ZNF385B: variants seen among roughly 807,000 people sequenced by gnomAD.
The protein encoded by ZNF385B is zinc finger protein 533.
In ZNF385B, 23 loss-of-function variants were observed where a neutral mutation model predicts 39.2. The ratio of observed to expected loss-of-function variants is 0.59; its 90% CI spans 0.42 to 0.83. ZNF385B has a LOEUF of 0.83. Among genes scored for constraint, ZNF385B ranks in the 40% least tolerant of loss-of-function variants. The probability of loss-of-function intolerance (pLI) is 0.00; values close to 1 mark genes in which losing one functional copy is unlikely to be tolerated. For missense variants in ZNF385B, 552 were observed against 598.9 expected (o/e 0.92, Z 0.82); for synonymous variants, 205 against 222.6 (o/e 0.92, Z 0.70).
At chr2:179,588,663 C>G (rs1296509983) in intron 3 of ZNF385B, among the ~76,000 whole-genome samples, 1 of 152,146 alleles carries the variant, frequency 6.6e-6, no homozygotes, top group Non-Finnish European at 1.5e-5. Flanking sequence ...ATCCTCTGAG[C>G]AGACATCCCG....
intron 3 of ZNF385B, among the ~76,000 whole-genome samples, chr2:179,548,345 T>C (rs1037847372): frequency 1.3e-5 from 2 of 149,594 alleles, no homozygotes; most frequent in African/African-American, 2.5e-5. Flanking sequence ...ATAACTTTCA[T>C]GTAGTATAGA....
chr2:179,455,925 T>C (rs1394243356), intron 6 of ZNF385B, among the ~76,000 whole-genome samples: 1 of 151,896 alleles, frequency 6.6e-6, no homozygotes, highest in African/African-American at 2.4e-5. Context: ...GGTATGTCTT[T>C]ATTAACAATG....
At chr2:179,710,432 C>T (rs1699918657) in intron 3 of ZNF385B, among the ~76,000 whole-genome samples, 1 of 152,180 alleles carries the variant, frequency 6.6e-6, no homozygotes, top group Non-Finnish European at 1.5e-5. Flanking sequence ...ACAGAATATA[C>T]AGATCACATC....
At chr2:179,653,008 C>T (rs1284208558) in intron 3 of ZNF385B, among the ~76,000 whole-genome samples, 1 of 152,144 alleles carries the variant, frequency 6.6e-6, no homozygotes, top group Non-Finnish European at 1.5e-5. Flanking sequence ...GCCTTCCTAA[C>T]ATTGTATTTA....
chr2:179,607,797 T>A (rs1054799360), intron 3 of ZNF385B, among the ~76,000 whole-genome samples: 3 of 152,156 alleles, frequency 2.0e-5, no homozygotes, highest in Non-Finnish European at 4.4e-5. Flanking sequence ...GTTTTCTGTG[T>A]TTCTGCTGAC....
chr2:179,480,324 C>T (rs1035040551), intron 6 of ZNF385B, among the ~76,000 whole-genome samples: 57 of 152,180 alleles, frequency 3.7e-4, no homozygotes, highest in African/African-American at 1.1e-3. Flanking sequence ...TGAAATAAAA[C>T]ATTTCAGTCA....
At chr2:179,446,503 A>T (rs1382327416) in intron 7 of ZNF385B, 22 bp downstream of exon 7, 2 of 1,595,990 alleles carry the variant, frequency 1.3e-6, no homozygotes, top group African/African-American at 1.3e-5. Context: ...ACATTATTTA[A>T]ATGCAAAAGA....
At chr2:179,817,960 T>C (rs557575524) in intron 1 of ZNF385B, among the ~76,000 whole-genome samples, 2 of 151,846 alleles carry the variant, frequency 1.3e-5, no homozygotes, top group South Asian at 4.2e-4. Flanking sequence ...TGAGCAAGAG[T>C]GTGTGTGTTT....
chr2:179,530,354 T>TA (rs1229594881), intron 4 of ZNF385B, among the ~76,000 whole-genome samples: 1 of 152,122 alleles, frequency 6.6e-6, no homozygotes, highest in Admixed American at 6.5e-5. Flanking sequence ...AGATGTAGTT[T>TA]AAAAAAACAC....
intron 6 of ZNF385B, among the ~76,000 whole-genome samples, chr2:179,457,669 A>G (rs1228086017): frequency 6.6e-6 from 1 of 151,746 alleles, no homozygotes; most frequent in East Asian, 1.9e-4. Context: ...TTATTGGCCA[A>G]TTGTATATTT....
chr2:179,574,043 C>G lies in ZNF385B; in HGVS notation c.299-29074G>C, dbSNP rs533980146. 2.6e-5 allele frequency among the ~76,000 whole-genome samples: 4 copies of G among 152,166 alleles called. No homozygotes were observed. In the South Asian group the frequency reaches 8.3e-4, roughly 32 times the overall value. On this transcript the variant is annotated intron_variant, in intron 3 of 9. Coordinates refer to ENST00000410066, the MANE Select transcript of ZNF385B (RefSeq NM_152520.6). ...AACCCAAAGGAATGACTTTCAAAAT[C>G]ACTCCTTTACTATAATGCTGTTTAA... is the stretch of plus-strand genomic sequence containing the variant.
chr2:179,673,006 C>T (rs978060581), intron 3 of ZNF385B, among the ~76,000 whole-genome samples: 1 of 152,142 alleles, frequency 6.6e-6, no homozygotes, highest in African/African-American at 2.4e-5. Flanking sequence ...AAATCCTTTG[C>T]AGAGAAATCT....
intron 3 of ZNF385B, among the ~76,000 whole-genome samples, chr2:179,559,763 G>T (rs1052360655): frequency 6.6e-6 from 1 of 151,886 alleles, no homozygotes; most frequent in African/African-American, 2.4e-5. Context: ...ATGGTTACTT[G>T]TGTGTGTGGT....
In ZNF385B at chr2:179,475,256, T is replaced by C. The variant is rs577032902; in HGVS notation, c.715+8016A>G. 3.4e-3 allele frequency among the ~76,000 whole-genome samples: 512 copies of C among 150,448 alleles called. 1 individual carries two copies. The highest frequency in any genetic ancestry group is 0.011 in the African/African-American group (459 of 41,068). On this transcript the variant is annotated intron_variant, in intron 6 of 9. Coordinates refer to ENST00000410066, the MANE Select transcript of ZNF385B (RefSeq NM_152520.6). ...ACCATTTCCATTATCGCACAATTTT[T>C]TTTTTTTTTTTTTTGACAGAATCTC... is the stretch of plus-strand genomic sequence containing the variant.
At chr2:179,756,343 A>G (rs549708522) in intron 3 of ZNF385B, among the ~76,000 whole-genome samples, 1 of 152,278 alleles carries the variant, frequency 6.6e-6, no homozygotes, top group South Asian at 2.1e-4. Flanking sequence ...TTCTGCCAAG[A>G]GATCCGCTGT....
intron 3 of ZNF385B, among the ~76,000 whole-genome samples, chr2:179,757,630 A>T (rs923205887): frequency 7.2e-5 from 11 of 152,118 alleles, no homozygotes; most frequent in African/African-American, 2.7e-4. Context: ...CTTCCTGGCC[A>T]CTTTGTTTAC....
chr2:179,508,018 T>C (rs1333176563), intron 5 of ZNF385B, among the ~76,000 whole-genome samples: 3 of 152,168 alleles, frequency 2.0e-5, no homozygotes, highest in Non-Finnish European at 2.9e-5. Flanking sequence ...AGCTAAAGGG[T>C]ACCTCTTCTG....
At chr2:179,779,622 C>G (rs1704549327) in intron 1 of ZNF385B, among the ~76,000 whole-genome samples, 1 of 152,122 alleles carries the variant, frequency 6.6e-6, no homozygotes, top group South Asian at 2.1e-4. Context: ...GGCACCTGGA[C>G]CTGGAGGGTG....
chr2:179,612,456 C>T (rs923045403), intron 3 of ZNF385B, among the ~76,000 whole-genome samples: 4 of 150,112 alleles, frequency 2.7e-5, no homozygotes, highest in Non-Finnish European at 5.9e-5. Flanking sequence ...ACTCCAAGCC[C>T]AGTAATGCTG....
Sources: gnomAD v4.1 joint callset for allele counts (sites outside exome capture counted in the v4.1 genomes callset) on GRCh38, gnomAD v4.1.1 for gene constraint, MANE v1.5 for transcripts, NCBI Gene and HGNC (gene_info 2026-07-23, HGNC 2026-07-21) for gene names.